The following IFNAR2 variants were observed in gnomAD, a reference collection of about 807,000 sequenced individuals.
IFNAR2 encodes the protein interferon alpha and beta receptor subunit 2, also known as interferon alpha/beta receptor 2.
Under a neutral mutation model 49.4 loss-of-function variants are expected in IFNAR2, and 30 were observed. That is an observed-to-expected ratio of 0.61 (90% CI 0.45 to 0.82). The LOEUF is 0.82. IFNAR2 is among the 40% of genes least tolerant of loss of function. The pLI is 0.00. For synonymous variants in IFNAR2, 224 were observed against 234.5 expected (o/e 0.96, Z 0.41); for missense variants, 600 against 622.7 (o/e 0.96, Z 0.39).
chr21:33,236,719 G>A, intron 1 of IFNAR2: 1 of 985,402 alleles, frequency 1.0e-6, no homozygotes, highest in Non-Finnish European at 1.2e-6. Context: ...AGATGGGGAA[G>A]GATCCAAGTG....
chr21:33,240,241 A>G (rs1433884697), intron 1 of IFNAR2, among the ~76,000 whole-genome samples: 3 of 152,232 alleles, frequency 2.0e-5, no homozygotes, highest in East Asian at 3.8e-4. Flanking sequence ...CCATATTTCT[A>G]CTGTACCTTT....
chr21:33,238,650 A>G (rs1052335557), intron 1 of IFNAR2, among the ~76,000 whole-genome samples: 27 of 149,476 alleles, frequency 1.8e-4, no homozygotes, highest in African/African-American at 4.9e-5. Flanking sequence ...ATAAAACTCA[A>G]AAACTTCTGG....
rs1389426791 is a variant in IFNAR2, at chr21:33,233,206, TA to T, written c.-84+2994del. ...AGAACAGAAGCAATACTGCTGAAAA[TA>T]AAAGTATTTTAATAGAAGAAAGCCC... On this transcript the variant is annotated intron_variant, in intron 1 of 8. Transcript: ENST00000342136. Among the ~76,000 whole-genome samples, 4 of 152,044 alleles carry T rather than the reference TA, an allele frequency of 2.6e-5. No individual in the cohort carries two copies. In the East Asian group the frequency reaches 7.7e-4, roughly 29 times the overall value.
chr21:33,244,152 T>C (rs1987209514), intron 3 of IFNAR2, among the ~76,000 whole-genome samples: 1 of 152,214 alleles, frequency 6.6e-6, no homozygotes, highest in African/African-American at 2.4e-5. Flanking sequence ...GTATTAAATA[T>C]GTGTCCAACC....
At position 33,246,737 on chromosome 21, in the gene IFNAR2, G is replaced by A; in HGVS notation, c.241G>A (p.Val81Met). The part of the protein sequence containing the change: ...TIMSKPEDLK[V>M]VKNCANTTRS... ...CCAAAGTAAACCAGAAGATTTGAAG[G>A]TGGTTAAGAACTGTGCAAATACCAC... The change falls in exon 5 of 9, where the codon GTG (valine) becomes ATG (methionine). Residue 81 changes from valine (V) to methionine (M), a missense_variant. Physicochemically the swap from Val to Met is conservative, Grantham distance 21 (BLOSUM62 1). Transcript: ENST00000342136. The A allele has an allele frequency of 6.2e-7, 1 of 1,607,802 alleles. No individual in the cohort carries two copies. The highest frequency in any genetic ancestry group is 1.3e-5 in the African/African-American group (1 of 74,692).
intron 1 of IFNAR2, among the ~76,000 whole-genome samples, chr21:33,241,376 G>A (rs890726387): frequency 1.3e-5 from 2 of 152,084 alleles, no homozygotes; most frequent in African/African-American, 2.4e-5. Flanking sequence ...TATAGTAGGG[G>A]TACTAATTAT....
At chr21:33,257,701 C>T (rs190406959) in intron 7 of IFNAR2, among the ~76,000 whole-genome samples, 52 of 152,260 alleles carry the variant, frequency 3.4e-4, no homozygotes, top group African/African-American at 1.1e-3. Context: ...TTCCCTAAGT[C>T]CTCACTCCAC....
chr21:33,249,204 T>C (rs966201788), intron 6 of IFNAR2, among the ~76,000 whole-genome samples: 6 of 151,870 alleles, frequency 4.0e-5, no homozygotes, highest in African/African-American at 1.2e-4. Flanking sequence ...ATTAGCTGGA[T>C]GTGGTGGCAG....
At position 33,264,027 on chromosome 21, in the gene IFNAR2, T is replaced by G. The variant is rs1988818909; in HGVS notation, c.*527T>G. On this transcript the variant is annotated 3_prime_UTR_variant, in exon 9 of 9. Coordinates refer to ENST00000342136, the MANE Select transcript of IFNAR2 (RefSeq NM_001289125.3). Reference sequence around the variant, plus strand: ...GCGCCTGCCACCATGCCTAGCAAATTTTTGTATTTTTAGTAGAGACAGGAT... The same window carrying G: ...GCGCCTGCCACCATGCCTAGCAAATGTTTGTATTTTTAGTAGAGACAGGAT... The G allele has an allele frequency of 6.5e-6, 1 of 152,974 alleles. No homozygotes were observed. The highest frequency in any genetic ancestry group is 6.5e-5 in the Admixed American group (1 of 15,332). The allele number at this position is 152,974 out of a possible 1,614,324, so 9.5% of individuals were successfully genotyped here.
At position 33,246,853 on chromosome 21, in the gene IFNAR2, G is replaced by A; in HGVS notation, c.357G>A (p.Leu119=). 6.2e-7 allele frequency: 1 copy of A among 1,614,220 alleles called. No homozygotes were observed. Among genetic ancestry groups the A allele is most frequent in the East Asian group, 2.2e-5 (1 of 44,896 alleles). The change falls in exon 5 of 9, where the codon TTG becomes TTA. Residue 119 remains leucine (L), a synonymous_variant. Transcript: ENST00000342136. The stretch of plus-strand genomic sequence containing the variant: ...AAGGATTCAGCGGGAACACAACGTT[G>A]TTCAGTTGCTCACACAATTTCTGGC... ...VLEGFSGNTT[L]FSCSHNFWLA...
Position 33,237,078 on chromosome 21 carries a change from GGT to G in IFNAR2, c.-83-4731_-83-4730del, listed in dbSNP as rs34322078. On this transcript the variant is annotated intron_variant, in intron 1 of 8. Transcript: ENST00000342136. ...CCCCTGGCCCAGAGGGGGAGAATGGGGTGTGTGTGTGTGTGTGTGTGTGTGTG... is the reference window on the plus strand; with the variant it reads ...CCCCTGGCCCAGAGGGGGAGAATGGGGTGTGTGTGTGTGTGTGTGTGTGTG... 7.7e-3 allele frequency among the ~76,000 whole-genome samples: 1,130 copies of G among 147,532 alleles called. 4 individuals carry two copies. Among genetic ancestry groups the G allele is most frequent in the African/African-American group, 0.019 (756 of 39,980 alleles).
At position 33,252,733 on chromosome 21, in the gene IFNAR2, G is replaced by T. The variant is rs377407494; in HGVS notation, c.612G>T (p.Thr204=). The T allele has an allele frequency of 4.3e-6, 7 of 1,613,066 alleles. No homozygotes were observed. Among genetic ancestry groups the T allele is most frequent in the Non-Finnish European group, 5.9e-6 (7 of 1,179,140 alleles). ...TCATTGACAAGTTAATTCCAAACAC[G>T]AACTACTGTGTATCTGTTTATTTAG... ...TYIIDKLIPN[T]NYCVSVYLEH... Residue 204 remains threonine, a synonymous_variant, in exon 7 of 9, where the codon ACG becomes ACT. Coordinates refer to ENST00000342136, the MANE Select transcript of IFNAR2 (RefSeq NM_001289125.3).
chr21:33,235,581 C>G (rs1001364947), intron 1 of IFNAR2, among the ~76,000 whole-genome samples: 1 of 152,102 alleles, frequency 6.6e-6, no homozygotes, highest in Non-Finnish European at 1.5e-5. Flanking sequence ...CTTCCACAGT[C>G]TCTCTCTCTC....
In IFNAR2 at chr21:33,244,990, G is replaced by A. The variant is rs778792208; in HGVS notation, c.137G>A (p.Arg46Gln). Residue 46 changes from arginine to glutamine, a missense_variant, in exon 4 of 9, where the codon CGA becomes CAA. Coordinates refer to ENST00000342136, the MANE Select transcript of IFNAR2 (RefSeq NM_001289125.3). ...DESCTFKISL[R>Q]NFRSILSWEL... ...TCTTGCACTTTCAAGATATCATTGC[G>A]AAATTTCCGGTCCATCTTATCATGG... 7 of 1,609,558 alleles carry A rather than the reference G, an allele frequency of 4.3e-6. No individual in the cohort carries two copies. Among genetic ancestry groups the A allele is most frequent in the South Asian group, 1.1e-5 (1 of 90,980 alleles).
intron 1 of IFNAR2, among the ~76,000 whole-genome samples, chr21:33,231,079 C>T (rs1294826798): frequency 2.0e-5 from 3 of 151,842 alleles, no homozygotes; most frequent in African/African-American, 7.3e-5. Context: ...GGCGTTGATT[C>T]AGTGGTGAGA....
At chr21:33,262,424 T>G in intron 8 of IFNAR2, 1 of 527,172 alleles carries the variant, frequency 1.9e-6, no homozygotes, top group South Asian at 2.7e-5. Context: ...AAGGGAAAGG[T>G]AAATTATATA....
intron 6 of IFNAR2, chr21:33,251,875 G>C: frequency 1.8e-6 from 1 of 554,340 alleles, no homozygotes; most frequent in Non-Finnish European, 2.3e-6. Flanking sequence ...TTGCGGTCAG[G>C]AGTTCAAGAC....
chr21:33,230,958 G>T lies in IFNAR2; in HGVS notation c.-84+742G>T, dbSNP rs1986013887. ...CTCCATCAGCCCGTTTATTTGGTTAGCGATGGTTATATTGACTCTGAGTAT... is the reference window on the plus strand; with the variant it reads ...CTCCATCAGCCCGTTTATTTGGTTATCGATGGTTATATTGACTCTGAGTAT... On this transcript the variant is annotated intron_variant, in intron 1 of 8. Transcript: ENST00000342136. This position sits in a 1 kb window ranked among gnomAD's most constrained non-coding sequence, Gnocchi z 5.5. Among the ~76,000 whole-genome samples, 1 of 152,160 alleles carries T rather than the reference G, an allele frequency of 6.6e-6. No individual in the cohort carries two copies. Among genetic ancestry groups the T allele is most frequent in the Non-Finnish European group, 1.5e-5 (1 of 68,032 alleles).
chr21:33,230,427 C>T lies in IFNAR2; in HGVS notation c.-84+211C>T, dbSNP rs111580157. 1 of 469,512 alleles carries T rather than the reference C, an allele frequency of 2.1e-6. No homozygotes were observed. Among genetic ancestry groups the T allele is most frequent in the Non-Finnish European group, 4.2e-6 (1 of 239,568 alleles). The allele number at this position is 469,512 out of a possible 1,614,324, so 29.1% of individuals were successfully genotyped here. On this transcript the variant is annotated intron_variant, in intron 1 of 8. Transcript: ENST00000342136. The surrounding 1 kb of genome is among the most constrained non-coding windows in gnomAD (Gnocchi z 5.5). ...CGGGGCCGCACCTGCGACCCCAGGA[C>T]CCCTCCCGGGCCCTGTCCTGCGCCC...
Sources: allele counts gnomAD v4.1 joint callset (sites outside exome capture counted in the v4.1 genomes callset), GRCh38; gene constraint gnomAD v4.1.1; non-coding constraint Gnocchi (gnomAD v3.1); transcripts MANE v1.5; gene names NCBI Gene and HGNC (gene_info 2026-07-23, HGNC 2026-07-21).